STN1: variants seen among roughly 807,000 people sequenced by gnomAD.
STN1 encodes STN1 subunit of CST complex, also known as CST complex subunit STN1.
In STN1, 29 loss-of-function variants were observed where a neutral mutation model predicts 45.5. The observed-to-expected ratio is 0.64, with a 90% confidence interval of 0.47 to 0.87. The LOEUF (loss-of-function observed/expected upper bound fraction) is 0.87. Ranked by LOEUF, STN1 falls within the 40% of genes least tolerant of loss-of-function variation. STN1 has a pLI of 0.00. For missense variants in STN1, 376 were observed against 441.4 expected (o/e 0.85, Z 1.33); for synonymous variants, 148 against 159.0 (o/e 0.93, Z 0.52).
rs372832974 is a variant in STN1 at position 103,881,218 on chromosome 10, C to A, written c.*1466G>T. The stretch of plus-strand genomic sequence containing the variant: ...AACACCTTGTGCAACCATCCTTTCA[C>A]ACTTGTGTAGCCATCTCCTTGAGAT... On this transcript the variant is annotated 3_prime_UTR_variant, in exon 10 of 10. Coordinates refer to ENST00000224950, the MANE Select transcript of STN1 (RefSeq NM_024928.5). 6.6e-6 allele frequency among the ~76,000 whole-genome samples: 1 copy of A among 152,230 alleles called. No homozygotes were observed. Among genetic ancestry groups the A allele is most frequent in the African/African-American group, 2.4e-5 (1 of 41,454 alleles).
intron 6 of STN1, 129 bp from the exon 7 acceptor site, chr10:103,897,848 A>AAT: frequency 1.3e-6 from 1 of 774,834 alleles, no homozygotes; most frequent in Non-Finnish European, 2.0e-6. Flanking sequence ...TATACAGAGT[A>AAT]ATATATACAG....
rs1469940316 is a variant in STN1, at chr10:103,917,493, G to A, written c.102C>T (p.Ile34=). ...CCTGGCGGGACTCCTTCATGTCCAG[G>A]ATATCCCTGATGTAGAGTTTTGCAA... ...LAFAKLYIRD[I]LDMKESRQVP... The change falls in exon 2 of 10, where the codon ATC becomes ATT. Residue 34 remains isoleucine, a synonymous_variant. Coordinates refer to ENST00000224950, the MANE Select transcript of STN1 (RefSeq NM_024928.5). 3.1e-6 allele frequency: 5 copies of A among 1,613,880 alleles called. No individual in the cohort carries two copies. Among genetic ancestry groups the A allele is most frequent in the Admixed American group, 3.3e-5 (2 of 60,002 alleles).
At chr10:103,897,775 T>C (rs569460758) in intron 6 of STN1, 56 bp from the exon 7 acceptor site, 4 of 1,578,162 alleles carry the variant, frequency 2.5e-6, no homozygotes, top group East Asian at 2.2e-5. Context: ...TTGTTCCTTT[T>C]TGGTGTATAA....
rs1485517219 is a variant in STN1, at chr10:103,917,325, C to G, written c.133+137G>C. On this transcript the variant is annotated intron_variant, in intron 2 of 9. Transcript: ENST00000224950. The stretch of plus-strand genomic sequence containing the variant: ...TACCTTGCAAATAAATGAACTCATG[C>G]GAAGGTCCAGGCTAGGTCCCTTTCA... 6 of 524,382 alleles carry G rather than the reference C, an allele frequency of 1.1e-5. No individual in the cohort carries two copies. The East Asian group carries it at 2.1e-4, about 18-fold the overall frequency. 32.5% of individuals were successfully genotyped at this position (524,382 alleles called of 1,614,324 possible).
At chr10:103,884,897 T>C (rs1299050985) in intron 9 of STN1, among the ~76,000 whole-genome samples, 1 of 152,172 alleles carries the variant, frequency 6.6e-6, no homozygotes, top group African/African-American at 2.4e-5. Context: ...TCCTTCCAAC[T>C]GGGATTGCTG....
Position 103,881,345 on chromosome 10 carries a change from G to A in STN1, c.*1339C>T, listed in dbSNP as rs1271993005. 2.0e-5 allele frequency among the ~76,000 whole-genome samples: 3 copies of A among 152,160 alleles called. No homozygotes were observed. The highest frequency in any genetic ancestry group is 4.8e-5 in the African/African-American group (2 of 41,444). On this transcript the variant is annotated 3_prime_UTR_variant, in exon 10 of 10. Coordinates refer to ENST00000224950, the MANE Select transcript of STN1 (RefSeq NM_024928.5). ...GCCCCACTAATCAGATGCATTCAAC[G>A]TGGAACAGCTGCTGACCTCAAGGAA... is the stretch of plus-strand genomic sequence containing the variant.
intron 2 of STN1, among the ~76,000 whole-genome samples, chr10:103,915,804 CG>C (rs1843327000): frequency 6.6e-6 from 1 of 151,946 alleles, no homozygotes. Flanking sequence ...ACAATTTTTC[CG>C]GGGATGGGGG....
At chr10:103,893,121 C>T (rs1380265619) in intron 7 of STN1, among the ~76,000 whole-genome samples, 2 of 152,048 alleles carry the variant, frequency 1.3e-5, no homozygotes, top group South Asian at 2.1e-4. Context: ...GGGGATTTTC[C>T]ACTCCTTCCT....
intron 3 of STN1, among the ~76,000 whole-genome samples, chr10:103,909,947 T>TA (rs1564635315): frequency 6.6e-6 from 1 of 152,230 alleles, no homozygotes; most frequent in African/African-American, 2.4e-5. Context: ...CCTATTACAC[T>TA]AAAATCACAT....
At chr10:103,913,490 A>C (rs1040542544) in intron 2 of STN1, among the ~76,000 whole-genome samples, 2 of 152,154 alleles carry the variant, frequency 1.3e-5, no homozygotes, top group African/African-American at 4.8e-5. Flanking sequence ...AGAACAACGG[A>C]GAAAGAGATC....
rs887564639 is a variant in STN1, at chr10:103,905,024, G to A, written c.295+67C>T. ...GAAAATTTAGCCCTATAGCTGTTTTGATGAACTACATTGAGTAAAATCCAT... is the reference window on the plus strand; with the variant it reads ...GAAAATTTAGCCCTATAGCTGTTTTAATGAACTACATTGAGTAAAATCCAT... On this transcript the variant is annotated intron_variant, in intron 4 of 9. Coordinates refer to ENST00000224950, the MANE Select transcript of STN1 (RefSeq NM_024928.5). 5 of 1,408,688 alleles carry A rather than the reference G, an allele frequency of 3.5e-6. No homozygotes were observed. In the African/African-American group the frequency reaches 7.1e-5, roughly 20 times the overall value. The allele number at this position is 1,408,688 out of a possible 1,614,324, so 87.3% of individuals were successfully genotyped here.
chr10:103,906,036 G>A (rs1211185656), intron 3 of STN1, among the ~76,000 whole-genome samples: 2 of 152,080 alleles, frequency 1.3e-5, no homozygotes, highest in African/African-American at 4.8e-5. Context: ...TGTTGTAAAA[G>A]CACACACAAT....
chr10:103,891,441 G>A (rs1843138833), intron 8 of STN1, among the ~76,000 whole-genome samples: 1 of 152,132 alleles, frequency 6.6e-6, no homozygotes, highest in African/African-American at 2.4e-5. Flanking sequence ...CAATGTCCAG[G>A]GACATTTTTG....
intron 4 of STN1, among the ~76,000 whole-genome samples, chr10:103,901,559 C>T (rs1843210351): frequency 6.6e-6 from 1 of 152,198 alleles, no homozygotes; most frequent in African/African-American, 2.4e-5. Flanking sequence ...CCTTTCTACA[C>T]TTACGCTTCG....
chr10:103,880,875 C>CTG lies in STN1; in HGVS notation c.*1807_*1808dup, dbSNP rs1004589575. Among the ~76,000 whole-genome samples, 37 of 151,992 alleles carry CTG rather than the reference C, an allele frequency of 2.4e-4. No homozygotes were observed. The highest frequency in any genetic ancestry group is 3.4e-4 in the Non-Finnish European group (23 of 67,944). ...ACTTCCAGGAGAAGGGAGTGGTCGACTGTGTGTGTGTATATATATATATAT... is the reference window on the plus strand; with the variant it reads ...ACTTCCAGGAGAAGGGAGTGGTCGACTGTGTGTGTGTGTATATATATATATAT... On this transcript the variant is annotated 3_prime_UTR_variant, in exon 10 of 10. Coordinates refer to ENST00000224950, the MANE Select transcript of STN1 (RefSeq NM_024928.5).
chr10:103,900,091 T>G lies in STN1; in HGVS notation c.428A>C (p.Glu143Ala). 1.2e-6 allele frequency: 2 copies of G among 1,614,152 alleles called. No homozygotes were observed. The highest frequency in any genetic ancestry group is 1.7e-6 in the Non-Finnish European group (2 of 1,180,008). Residue 143 changes from glutamate to alanine, a missense_variant, in exon 5 of 10, where the codon GAA becomes GCA. Glu to Ala is a moderately radical substitution (Grantham distance 107). Coordinates refer to ENST00000224950, the MANE Select transcript of STN1 (RefSeq NM_024928.5). Reference sequence around the variant, plus strand: ...AGTGGTGGCATGAATCTCTCGCTCTTCTCTGTATGTGCGGATACTGCCTCT... The same window carrying G: ...AGTGGTGGCATGAATCTCTCGCTCTGCTCTGTATGTGCGGATACTGCCTCT... ...RVRGSIRTYR[E>A]EREIHATTYY...
Position 103,897,568 on chromosome 10 carries a change from G to C in STN1, c.733C>G (p.His245Asp). The C allele has an allele frequency of 6.2e-7, 1 of 1,614,106 alleles. No individual in the cohort carries two copies. Among genetic ancestry groups the C allele is most frequent in the Non-Finnish European group, 8.5e-7 (1 of 1,179,986 alleles). Residue 245 changes from histidine to aspartate, a missense_variant, in exon 7 of 10, where the codon CAC becomes GAC. Coordinates refer to ENST00000224950, the MANE Select transcript of STN1 (RefSeq NM_024928.5). ...LLSLANQPVI[H>D]SASSDQVNFK... ...CTCACTTGGTCGGAGGAGGCACTGT[G>C]AATCACAGGCTGATTGGCAAGGGAC...
Position 103,909,500 on chromosome 10 carries a change from A to ATATATGTGTG in STN1, c.229+1026_229+1027insCACACATATA. Among the ~76,000 whole-genome samples, 40 of 53,964 alleles carry ATATATGTGTG rather than the reference A, an allele frequency of 7.4e-4. 2 individuals carry two copies. The highest frequency in any genetic ancestry group is 2.3e-3 in the African/African-American group (36 of 15,848). The allele number at this position is 53,964 out of a possible 152,430, so 35.4% of individuals were successfully genotyped here. A position where few individuals can be genotyped will look rare whatever the true frequency, so the allele number is the denominator to read the frequency against. On this transcript the variant is annotated intron_variant, in intron 3 of 9. Coordinates refer to ENST00000224950, the MANE Select transcript of STN1 (RefSeq NM_024928.5). ...TATGTATATATATGTGTGTGTGTATATGTATATATGTATATATGTATATAT... is the reference window on the plus strand; with the variant it reads ...TATGTATATATATGTGTGTGTGTATATATATGTGTGTGTATATATGTATATATGTATATAT...
At chr10:103,904,519 T>C (rs1843228937) in intron 4 of STN1, among the ~76,000 whole-genome samples, 1 of 152,126 alleles carries the variant, frequency 6.6e-6, no homozygotes, top group Non-Finnish European at 1.5e-5. Flanking sequence ...GTTTCAGTTA[T>C]AGTCAATGTA....
Sources: gnomAD v4.1 joint callset for allele counts (sites outside exome capture counted in the v4.1 genomes callset) on GRCh38, gnomAD v4.1.1 for gene constraint, MANE v1.5 for transcripts, NCBI Gene and HGNC (gene_info 2026-07-23, HGNC 2026-07-21) for gene names.